CCDC125: variants seen among roughly 807,000 people sequenced by gnomAD.
The protein encoded by CCDC125 is coiled-coil domain containing 125, also known as coiled-coil domain-containing protein 125.
Under a neutral mutation model 57.4 loss-of-function variants are expected in CCDC125, and 43 were observed. The observed-to-expected ratio is 0.75, with a 90% confidence interval of 0.59 to 0.97. The LOEUF (loss-of-function observed/expected upper bound fraction) is 0.97. Among genes scored for constraint, CCDC125 ranks in the 50% least tolerant of loss-of-function variants. The pLI, the probability that CCDC125 is intolerant of heterozygous loss-of-function variation, is 0.00. For synonymous variants in CCDC125, 187 were observed against 195.2 expected (o/e 0.96, Z 0.35); for missense variants, 563 against 595.7 (o/e 0.95, Z 0.57).
rs934143856 is a variant in CCDC125 at position 69,282,711 on chromosome 5, A to G, written c.*18T>C. ...TCGATATAAACAACTCTCAGTTCCA[A>G]TTTCAACTGGCTTGTCTTTAAAATA... On this transcript the variant is annotated 3_prime_UTR_variant, in exon 12 of 12. Transcript: ENST00000396496. 74 of 1,548,894 alleles carry G rather than the reference A, an allele frequency of 4.8e-5. No homozygotes were observed. The highest frequency in any genetic ancestry group is 6.3e-5 in the Non-Finnish European group (72 of 1,150,880).
downstream of CCDC125, among the ~76,000 whole-genome samples, chr5:69,276,299 G>A (rs557296073): frequency 2.8e-4 from 43 of 152,286 alleles, 1 homozygote; most frequent in South Asian, 8.7e-3. Flanking sequence ...AAGGTGCTGG[G>A]ATTACAGGCA....
At chr5:69,324,359 T>C (rs1760460783) in intron 1 of CCDC125, among the ~76,000 whole-genome samples, 1 of 151,944 alleles carries the variant, frequency 6.6e-6, no homozygotes, top group Non-Finnish European at 1.5e-5. Flanking sequence ...GGATGTGGAG[T>C]AACTGAAACT....
At chr5:69,275,017 T>A in the CCDC125 span, among the ~76,000 whole-genome samples, 1 of 150,726 alleles carries the variant, frequency 6.6e-6, no homozygotes, top group Admixed American at 6.6e-5. Flanking sequence ...TGAGCCAAGA[T>A]TGTGCCACTG....
chr5:69,290,046 A>G (rs1477431214), intron 10 of CCDC125, among the ~76,000 whole-genome samples: 1 of 151,580 alleles, frequency 6.6e-6, no homozygotes, highest in Admixed American at 6.6e-5. Flanking sequence ...TCTAATGAAC[A>G]CTCCAAACAT....
At chr5:69,293,820 G>A (rs972347880) in intron 9 of CCDC125, among the ~76,000 whole-genome samples, 1 of 152,084 alleles carries the variant, frequency 6.6e-6, no homozygotes, top group African/African-American at 2.4e-5. Flanking sequence ...CTTCAATAAA[G>A]GTAAAACATT....
chr5:69,300,797 G>T (rs890451986), intron 7 of CCDC125, among the ~76,000 whole-genome samples: 1 of 151,396 alleles, frequency 6.6e-6, no homozygotes, highest in Non-Finnish European at 1.5e-5. Flanking sequence ...ACTCAGCTAA[G>T]ACACAGCATA....
At chr5:69,302,199 A>C (rs1350306663) in intron 7 of CCDC125, among the ~76,000 whole-genome samples, 1 of 151,932 alleles carries the variant, frequency 6.6e-6, no homozygotes, top group South Asian at 2.1e-4. Flanking sequence ...AGGTGGGTGG[A>C]TCATTTGAGG....
chr5:69,314,706 A>T (rs1399201226), intron 2 of CCDC125, among the ~76,000 whole-genome samples: 2 of 151,724 alleles, frequency 1.3e-5, no homozygotes, highest in African/African-American at 4.8e-5. Flanking sequence ...TGGGAGACTG[A>T]GTTGGGAGGA....
At chr5:69,326,099 A>G (rs570065261) in intron 1 of CCDC125, among the ~76,000 whole-genome samples, 1 of 152,230 alleles carries the variant, frequency 6.6e-6, no homozygotes, top group African/African-American at 2.4e-5. Flanking sequence ...AGCCTCCCAA[A>G]GTCCTGGGAT....
downstream of CCDC125, among the ~76,000 whole-genome samples, chr5:69,277,694 C>T (rs1468988353): frequency 2.0e-5 from 3 of 151,164 alleles, no homozygotes; most frequent in African/African-American, 4.9e-5. Flanking sequence ...GGCGAGAACC[C>T]GGGAGGCAGA....
At chr5:69,312,562 T>C (rs1758330955) in intron 3 of CCDC125, among the ~76,000 whole-genome samples, 1 of 152,006 alleles carries the variant, frequency 6.6e-6, no homozygotes. Context: ...TTTAATGAGG[T>C]TAAATTAAGT....
the CCDC125 span, among the ~76,000 whole-genome samples, chr5:69,274,431 T>G: frequency 1.3e-5 from 2 of 152,130 alleles, no homozygotes; most frequent in African/African-American, 4.8e-5. Context: ...GCCCAGGAGT[T>G]GGAGCCCAGC....
Position 69,285,332 on chromosome 5 carries a change from C to G in CCDC125, c.1230+5G>C. On this transcript the variant is annotated splice_donor_5th_base_variant and intron_variant, in intron 11 of 11. Coordinates refer to ENST00000396496, the MANE Select transcript of CCDC125 (RefSeq NM_176816.5). The stretch of plus-strand genomic sequence containing the variant: ...TAACCTGCAAAAAAAAGCAAAGACA[C>G]TAACCAAATCTATGAGCATCTTAAG... The G allele has an allele frequency of 6.2e-7, 1 of 1,608,290 alleles. No homozygotes were observed. The highest frequency in any genetic ancestry group is 8.5e-7 in the Non-Finnish European group (1 of 1,178,528).
At chr5:69,311,794 C>T (rs1433586004) in intron 3 of CCDC125, among the ~76,000 whole-genome samples, 2 of 150,172 alleles carry the variant, frequency 1.3e-5, no homozygotes, top group East Asian at 2.1e-4. Context: ...AGTGCAGTGG[C>T]GTGGTCTCAG....
chr5:69,318,592 A>AT (rs1266785685), intron 2 of CCDC125, among the ~76,000 whole-genome samples: 4 of 150,004 alleles, frequency 2.7e-5, no homozygotes, highest in African/African-American at 9.8e-5. Context: ...AAAATACAAA[A>AT]AAAAAAAAAA....
chr5:69,310,379 A>T (rs1757946843), intron 4 of CCDC125: 1 of 153,412 alleles, frequency 6.5e-6, no homozygotes, highest in Non-Finnish European at 1.4e-5. Context: ...GTTTCATGAG[A>T]TCTGATGGTT....
chr5:69,296,308 T>G (rs928487229), intron 8 of CCDC125, among the ~76,000 whole-genome samples: 1 of 152,140 alleles, frequency 6.6e-6, no homozygotes, highest in African/African-American at 2.4e-5. Context: ...TCCCAGCACT[T>G]TGGCAAGCCA....
intron 1 of CCDC125, among the ~76,000 whole-genome samples, chr5:69,329,045 G>A (rs185348485): frequency 7.9e-4 from 119 of 151,506 alleles, no homozygotes; most frequent in African/African-American, 2.4e-3. Flanking sequence ...CGCTGGCCTC[G>A]GCCTCCCAAA....
intron 8 of CCDC125, 78 bp downstream of exon 8, chr5:69,299,934 T>G: frequency 9.1e-7 from 1 of 1,100,172 alleles, no homozygotes; most frequent in Non-Finnish European, 1.4e-6. Flanking sequence ...TCCTACAATG[T>G]GTACACAAGG....
Sources: allele counts gnomAD v4.1 joint callset (sites outside exome capture counted in the v4.1 genomes callset), GRCh38; gene constraint gnomAD v4.1.1; transcripts MANE v1.5; gene names NCBI Gene and HGNC (gene_info 2026-07-23, HGNC 2026-07-21).